The following PCNX2 variants were observed in gnomAD, a reference collection of about 807,000 sequenced individuals.
PCNX2 encodes pecanex 2, also known as pecanex-like protein 2.
PCNX2 carries 168 observed loss-of-function variants against 223.8 expected under a neutral mutation model. The observed-to-expected ratio is 0.75, with a 90% CI of 0.66 to 0.85. PCNX2 has a LOEUF of 0.85. PCNX2 is among the 40% of genes least tolerant of loss of function. PCNX2 has a pLI of 0.00. For missense variants in PCNX2, 2,507 were observed against 2,675.5 expected (o/e 0.94, Z 1.39); for synonymous variants, 1,006 against 1,052.6 (o/e 0.96, Z 0.86).
At chr1:233,089,191 C>G (rs1024267159) in intron 23 of PCNX2, among the ~76,000 whole-genome samples, 1 of 89,460 alleles carries the variant, frequency 1.1e-5, no homozygotes, top group Non-Finnish European at 2.6e-5. Flanking sequence ...AAACAAATTA[C>G]GGAAAAAAGG....
chr1:233,290,642 G>T, intron 1 of PCNX2: 2 of 662,386 alleles, frequency 3.0e-6, no homozygotes, highest in Non-Finnish European at 1.9e-6. Context: ...CAATTAGAAT[G>T]TGTTGGGTGC....
At chr1:233,055,633 C>A (rs74145010) in intron 24 of PCNX2, among the ~76,000 whole-genome samples, 17 of 152,016 alleles carry the variant, frequency 1.1e-4, no homozygotes, top group Non-Finnish European at 2.2e-4. Context: ...AAAATGTTCA[C>A]GTTCATGACT....
chr1:233,185,561 A>G (rs1391992452), intron 15 of PCNX2, among the ~76,000 whole-genome samples: 1 of 152,228 alleles, frequency 6.6e-6, no homozygotes, highest in Non-Finnish European at 1.5e-5. Flanking sequence ...GCATCCATCC[A>G]CACAACAGTG....
At chr1:233,074,579 A>G (rs1673004940) in intron 23 of PCNX2, among the ~76,000 whole-genome samples, 1 of 120,550 alleles carries the variant, frequency 8.3e-6, no homozygotes, top group Non-Finnish European at 1.6e-5. Context: ...TGGGCGACAG[A>G]GCGAGACTCC....
chr1:233,200,385 T>C, intron 13 of PCNX2, 121 bp from the exon 14 acceptor site: 2 of 208,918 alleles, frequency 9.6e-6, no homozygotes, highest in South Asian at 1.4e-4. Context: ...GAGGCAATCT[T>C]TTTTTTTTTT....
intron 18 of PCNX2, among the ~76,000 whole-genome samples, chr1:233,160,878 T>A (rs1678427475): frequency 6.6e-6 from 1 of 152,176 alleles, no homozygotes; most frequent in Non-Finnish European, 1.5e-5. Context: ...CCTTTTCCCA[T>A]AGTCCTTTTG....
rs1305849150 is a variant in PCNX2 at position 233,295,552 on chromosome 1, A to C, written c.-74T>G. ...CCCGGCCGGATCTCCAGGCTCCCTC[A>C]GGTCTAACACCCGGGCCCGCGGGCC... is the stretch of plus-strand genomic sequence containing the variant. On this transcript the variant is annotated 5_prime_UTR_variant, in exon 1 of 34. Transcript: ENST00000258229. This position sits in a 1 kb window ranked among gnomAD's most constrained non-coding sequence, Gnocchi z 4.1. The C allele has an allele frequency of 2.8e-6, 4 of 1,415,602 alleles. No individual in the cohort carries two copies. In the African/African-American group the frequency reaches 6.0e-5, roughly 21 times the overall value. 87.7% of individuals were successfully genotyped at this position (1,415,602 alleles called of 1,614,324 possible).
At chr1:233,179,401 T>G (rs1446301564) in intron 15 of PCNX2, among the ~76,000 whole-genome samples, 1 of 152,178 alleles carries the variant, frequency 6.6e-6, no homozygotes, top group Non-Finnish European at 1.5e-5. Flanking sequence ...TTATACATAC[T>G]TATAAGAATA....
chr1:233,077,754 T>G (rs1356500857), intron 23 of PCNX2, among the ~76,000 whole-genome samples: 1 of 152,186 alleles, frequency 6.6e-6, no homozygotes, highest in East Asian at 1.9e-4. Context: ...GCCCTTATTT[T>G]TACTGGGTAA....
intron 31 of PCNX2, 132 bp downstream of exon 31, chr1:232,998,973 T>C (rs927813595): frequency 3.0e-6 from 3 of 1,012,664 alleles, no homozygotes; most frequent in Non-Finnish European, 4.3e-6. Context: ...CGATGCCACT[T>C]GGGGGTAGCA....
Position 233,160,298 on chromosome 1 carries a change from G to T in PCNX2, c.3502C>A (p.Gln1168Lys). The change falls in exon 19 of 34, where the codon CAA becomes AAA. Residue 1168 changes from glutamine to lysine, a missense_variant. Gln to Lys is a moderately conservative substitution (Grantham distance 53). Coordinates refer to ENST00000258229, the MANE Select transcript of PCNX2 (RefSeq NM_014801.4). ...HPILKNKEYH[Q>K]REVRDVAHLM... ...TATTACTAACCTCTCACTTCCCGTT[G>T]ATGATACTCTTTGTTTTTGAGAATG... 3.1e-6 allele frequency: 5 copies of T among 1,609,624 alleles called. No homozygotes were observed. Among genetic ancestry groups the T allele is most frequent in the South Asian group, 1.1e-5 (1 of 90,894 alleles).
chr1:233,129,009 G>A (rs1002059581), intron 21 of PCNX2, among the ~76,000 whole-genome samples: 4 of 152,216 alleles, frequency 2.6e-5, no homozygotes, highest in South Asian at 2.1e-4. Flanking sequence ...CGGCCTTGGC[G>A]TCTGCTCTGG....
At chr1:233,044,726 T>G (rs1446030970) in intron 25 of PCNX2, among the ~76,000 whole-genome samples, 1 of 151,956 alleles carries the variant, frequency 6.6e-6, no homozygotes, top group Non-Finnish European at 1.5e-5. Flanking sequence ...TGGGGTGCAA[T>G]GGCGTGATCT....
intron 15 of PCNX2, among the ~76,000 whole-genome samples, chr1:233,193,441 C>T (rs759753755): frequency 6.6e-6 from 1 of 152,070 alleles, no homozygotes; most frequent in Non-Finnish European, 1.5e-5. Context: ...AAGAGAACCA[C>T]GCCTAATCAT....
chr1:233,231,557 TGG>T, intron 9 of PCNX2: 2 of 848,892 alleles, frequency 2.4e-6, no homozygotes, highest in Non-Finnish European at 2.8e-6. Context: ...CCTGTTTTCT[TGG>T]GGGGTGGATA....
rs1314534368 is a variant in PCNX2, at chr1:233,295,200, C to A, written c.153+126G>T. On this transcript the variant is annotated intron_variant, in intron 1 of 33. Coordinates refer to ENST00000258229, the MANE Select transcript of PCNX2 (RefSeq NM_014801.4). The surrounding 1 kb of genome is among the most constrained non-coding windows in gnomAD (Gnocchi z 4.1). The stretch of plus-strand genomic sequence containing the variant: ...TCTGTCCCAAATTTCTGAAGCCCCT[C>A]CCTTTCCGTCTCTTAAGAATCTCTA... The A allele has an allele frequency of 7.4e-7, 1 of 1,346,132 alleles. No homozygotes were observed. The highest frequency in any genetic ancestry group is 1.0e-6 in the Non-Finnish European group (1 of 984,654). 83.4% of individuals were successfully genotyped at this position (1,346,132 alleles called of 1,614,324 possible).
intron 5 of PCNX2, among the ~76,000 whole-genome samples, chr1:233,257,786 G>T (rs1659813320): frequency 6.6e-6 from 1 of 151,932 alleles, no homozygotes; most frequent in African/African-American, 2.4e-5. Flanking sequence ...CCTTCTATAG[G>T]GAAGCAAAAA....
intron 1 of PCNX2, among the ~76,000 whole-genome samples, chr1:233,284,712 T>A (rs1407015113): frequency 6.6e-6 from 1 of 152,146 alleles, no homozygotes; most frequent in Non-Finnish European, 1.5e-5. Flanking sequence ...CCAACAAACA[T>A]GTCCAGTTAG....
chr1:233,162,933 A>T (rs1308678408), intron 17 of PCNX2, among the ~76,000 whole-genome samples: 1 of 152,184 alleles, frequency 6.6e-6, no homozygotes, highest in Non-Finnish European at 1.5e-5. Flanking sequence ...GGGAGGAAGG[A>T]AGGCTGCATT....
Sources: allele counts gnomAD v4.1 joint callset (sites outside exome capture counted in the v4.1 genomes callset), GRCh38; gene constraint gnomAD v4.1.1; non-coding constraint Gnocchi (gnomAD v3.1); transcripts MANE v1.5; gene names NCBI Gene and HGNC (gene_info 2026-07-23, HGNC 2026-07-21).